Variants in ADCY2 observed in about 807,000 individuals in gnomAD.
The protein encoded by ADCY2 is adenylate cyclase type 2.
In ADCY2, 31 loss-of-function variants were observed where a neutral mutation model predicts 125.2. The ratio of observed to expected loss-of-function variants is 0.25; its 90% confidence interval spans 0.19 to 0.33. The LOEUF (loss-of-function observed/expected upper bound fraction) is 0.33, where lower values mean the gene tolerates loss of function less well. Ranked by LOEUF, ADCY2 falls within the 10% of genes least tolerant of loss-of-function variation. The probability of loss-of-function intolerance (pLI) is 1.00; values close to 1 mark genes in which losing one functional copy is unlikely to be tolerated. For missense variants in ADCY2, 904 were observed against 1,418.2 expected, an observed-to-expected ratio of 0.64 and a Z score of 5.82; for synonymous variants, 512 against 548.4, an observed-to-expected ratio of 0.93 and a Z score of 0.93.
At chr5:7,594,469 ATGTT>A (rs1425629988) in intron 3 of ADCY2, among the ~76,000 whole-genome samples, 4 of 152,210 alleles carry the variant, frequency 2.6e-5, no homozygotes, top group Non-Finnish European at 5.9e-5. Context: ...AAAGCTCCAG[ATGTT>A]TTCTAGCTTT....
intron 2 of ADCY2, among the ~76,000 whole-genome samples, chr5:7,472,890 C>A (rs1370330311): frequency 3.3e-5 from 5 of 152,142 alleles, no homozygotes; most frequent in Non-Finnish European, 4.4e-5. Context: ...CCCTTTCCCC[C>A]AGAGAGGGTC....
At chr5:7,717,824 C>T (rs1349487048) in intron 12 of ADCY2, among the ~76,000 whole-genome samples, 1 of 152,190 alleles carries the variant, frequency 6.6e-6, no homozygotes, top group Admixed American at 6.5e-5. Context: ...CTGCGCTCAT[C>T]ACCCTTCATG....
chr5:7,792,542 A>C (rs1482339349), intron 20 of ADCY2, among the ~76,000 whole-genome samples: 1 of 151,312 alleles, frequency 6.6e-6, no homozygotes, highest in East Asian at 1.9e-4. Flanking sequence ...CCCAGGGTTC[A>C]GCCTCACAGC....
chr5:7,460,763 G>A (rs1741888467), intron 2 of ADCY2, among the ~76,000 whole-genome samples: 1 of 152,020 alleles, frequency 6.6e-6, no homozygotes, highest in South Asian at 2.1e-4. Context: ...AGAAACTATT[G>A]TAACATTCTG....
In ADCY2 at chr5:7,626,172, G is replaced by A. The variant is rs1738118181; in HGVS notation, c.576G>A (p.Leu192=). 1.2e-6 allele frequency: 2 copies of A among 1,613,634 alleles called. No individual in the cohort carries two copies. The highest frequency in any genetic ancestry group is 1.7e-4 in the Middle Eastern group (1 of 6,054). ...GGKEHLVWQI[L]ANVIIFICGN... ...AGCTCTTTCTGTCTCTTTAGATCCT[G>A]GCCAATGTGATCATTTTCATCTGTG... The change falls in exon 4 of 25, where the codon CTG becomes CTA. Residue 192 remains leucine (L), a synonymous_variant. Coordinates refer to ENST00000338316, the MANE Select transcript of ADCY2 (RefSeq NM_020546.3).
rs764534798 is a variant in ADCY2, at chr5:7,743,708, T to C, written c.1912T>C (p.Leu638=). The C allele has an allele frequency of 5.6e-6, 9 of 1,614,026 alleles. No homozygotes were observed. Among genetic ancestry groups the C allele is most frequent in the Admixed American group, 1.7e-5 (1 of 59,994 alleles). Residue 638 remains leucine (L), a synonymous_variant, in exon 15 of 25, where the codon TTG becomes CTG. Transcript: ENST00000338316. Reference sequence around the variant, plus strand: ...CATCTCCTTTGGGGCTGCGTTTCTCTTGCTGGCCTTCATCCTCTTCGTCTG... The same window carrying C: ...CATCTCCTTTGGGGCTGCGTTTCTCCTGCTGGCCTTCATCCTCTTCGTCTG... ...LGISFGAAFL[L]LAFILFVCFA... is the part of the protein sequence containing the mutation.
intron 2 of ADCY2, among the ~76,000 whole-genome samples, chr5:7,446,902 C>T (rs113860670): frequency 6.6e-6 from 1 of 152,244 alleles, no homozygotes; most frequent in African/African-American, 2.4e-5. Context: ...TTCTACAATA[C>T]CTCTTTGATA....
chr5:7,690,459 A>G (rs981872153), intron 4 of ADCY2: 2 of 339,280 alleles, frequency 5.9e-6, no homozygotes, highest in Middle Eastern at 8.1e-4. Context: ...TATTCTTCAT[A>G]CTGAAGAACA....
intron 14 of ADCY2, among the ~76,000 whole-genome samples, chr5:7,742,292 A>G (rs1353279325): frequency 2.0e-5 from 3 of 152,152 alleles, no homozygotes; most frequent in Non-Finnish European, 4.4e-5. Context: ...CCGCTGCTGC[A>G]GGATCACATC....
chr5:7,511,463 T>C (rs950219801), intron 2 of ADCY2, among the ~76,000 whole-genome samples: 13 of 151,960 alleles, frequency 8.6e-5, no homozygotes, highest in African/African-American at 3.1e-4. Context: ...TAGTCCCAGC[T>C]ACTCAGGAGG....
At chr5:7,820,917 A>G (rs1043847087) in intron 24 of ADCY2, among the ~76,000 whole-genome samples, 12 of 152,244 alleles carry the variant, frequency 7.9e-5, no homozygotes, top group African/African-American at 2.9e-4. Context: ...ATTTGTGAAA[A>G]CAAATGATCC....
chr5:7,537,259 C>T lies in ADCY2; in HGVS notation c.570+16360C>T, dbSNP rs1001547808. 5.9e-5 allele frequency among the ~76,000 whole-genome samples: 9 copies of T among 152,336 alleles called. 1 individual carries two copies. The highest frequency in any genetic ancestry group is 1.3e-4 in the Non-Finnish European group (9 of 68,030). ...TTAATTACAGGACTTTTGATTTATA[C>T]ATAATTTAAAATTCATTTTTATTCC... On this transcript the variant is annotated intron_variant, in intron 3 of 24. Transcript: ENST00000338316.
intron 2 of ADCY2, among the ~76,000 whole-genome samples, chr5:7,473,315 G>C (rs930479401): frequency 2.6e-5 from 4 of 152,270 alleles, no homozygotes; most frequent in East Asian, 1.9e-4. Flanking sequence ...ATGGCGGAAG[G>C]AATAGGAAAG....
intron 3 of ADCY2, among the ~76,000 whole-genome samples, chr5:7,614,081 T>C (rs1561125817): frequency 1.3e-5 from 2 of 152,214 alleles, no homozygotes; most frequent in African/African-American, 4.8e-5. Context: ...ATCTTTAATT[T>C]ACTTAATGTT....
At chr5:7,523,226 G>A (rs1274889721) in intron 3 of ADCY2, among the ~76,000 whole-genome samples, 1 of 151,492 alleles carries the variant, frequency 6.6e-6, no homozygotes, top group African/African-American at 2.4e-5. Context: ...AGTACTGCAT[G>A]AAGAACTTTA....
chr5:7,475,749 G>C (rs1310737913), intron 2 of ADCY2, among the ~76,000 whole-genome samples: 1 of 152,188 alleles, frequency 6.6e-6, no homozygotes, highest in Non-Finnish European at 1.5e-5. Flanking sequence ...GCAAAGTCAA[G>C]AGCAGCTCCC....
chr5:7,451,116 G>A (rs1464310501), intron 2 of ADCY2, among the ~76,000 whole-genome samples: 1 of 152,186 alleles, frequency 6.6e-6, no homozygotes, highest in African/African-American at 2.4e-5. Flanking sequence ...GAATCAAGGT[G>A]TAATTTCAAC....
chr5:7,439,948 A>G (rs80273832), intron 2 of ADCY2, among the ~76,000 whole-genome samples: 2,581 of 152,230 alleles, frequency 0.017, 75 homozygotes, highest in African/African-American at 0.058. Context: ...GCTCAAGAGA[A>G]AGGTTGTTTT....
chr5:7,609,114 A>G (rs992036648), intron 3 of ADCY2, among the ~76,000 whole-genome samples: 1 of 152,204 alleles, frequency 6.6e-6, no homozygotes, highest in Non-Finnish European at 1.5e-5. Context: ...TCATGGTTCC[A>G]GTTTAACTCT....
Sources: allele counts gnomAD v4.1 joint callset (sites outside exome capture counted in the v4.1 genomes callset), GRCh38; gene constraint gnomAD v4.1.1; transcripts MANE v1.5; gene names NCBI Gene and HGNC (gene_info 2026-07-23, HGNC 2026-07-21).